RALGAPA2: variants seen among roughly 807,000 people sequenced by gnomAD.
The protein encoded by RALGAPA2 is Ral GTPase activating protein catalytic subunit alpha 2.
RALGAPA2 carries 139 observed loss-of-function variants against 230.4 expected under a neutral mutation model. The ratio of observed to expected loss-of-function variants is 0.60; its 90% confidence interval spans 0.53 to 0.69. The LOEUF is 0.69. RALGAPA2 is among the 30% of genes least tolerant of loss of function. The probability of loss-of-function intolerance (pLI) is 0.00; values close to 1 mark genes in which losing one functional copy is unlikely to be tolerated. For missense variants in RALGAPA2, 2,163 were observed against 2,276.0 expected, an observed-to-expected ratio of 0.95 and a Z score of 1.01; for synonymous variants, 847 against 837.8, an observed-to-expected ratio of 1.01 and a Z score of -0.19.
chr20:20,598,454 A>G (rs1242389546), intron 16 of RALGAPA2, among the ~76,000 whole-genome samples: 3 of 152,120 alleles, frequency 2.0e-5, no homozygotes, highest in Non-Finnish European at 2.9e-5. Flanking sequence ...ATCCTTCTTA[A>G]TTGTTATTGC....
At chr20:20,505,023 T>C in intron 34 of RALGAPA2, 2 of 985,292 alleles carry the variant, frequency 2.0e-6, no homozygotes, top group Non-Finnish European at 2.4e-6. Flanking sequence ...TTTGACTTCA[T>C]CCAACTCTTT....
rs112379393 is a variant in RALGAPA2, at chr20:20,693,974, T to A, written c.107-13173A>T. On this transcript the variant is annotated intron_variant, in intron 1 of 39. Coordinates refer to ENST00000202677, the MANE Select transcript of RALGAPA2 (RefSeq NM_020343.4). ...CAAAGGTTAGCGGGACATGGTGGCGTGTGCCTGTAGTCCCAACTACTTGGG... is the reference window on the plus strand; with the variant it reads ...CAAAGGTTAGCGGGACATGGTGGCGAGTGCCTGTAGTCCCAACTACTTGGG... Among the ~76,000 whole-genome samples, 1,282 of 152,132 alleles carry A rather than the reference T, an allele frequency of 8.4e-3. 15 individuals are homozygous for A. The highest frequency in any genetic ancestry group is 0.029 in the African/African-American group (1,217 of 41,500).
intron 31 of RALGAPA2, among the ~76,000 whole-genome samples, chr20:20,514,549 C>A (rs1233833523): frequency 6.6e-6 from 1 of 152,166 alleles, no homozygotes; most frequent in African/African-American, 2.4e-5. Flanking sequence ...GCCTGAGCTG[C>A]CCCACCCTTC....
Position 20,512,842 on chromosome 20 carries a change from G to C in RALGAPA2, c.4527C>G (p.Asp1509Glu), listed in dbSNP as rs2062753492. 6 of 1,613,466 alleles carry C rather than the reference G, an allele frequency of 3.7e-6. No homozygotes were observed. The East Asian group carries it at 1.1e-4, about 30-fold the overall frequency. ...CATCCCCCTCCTCAACTTGAGAAGA[G>C]TCTTTCTGAGGTCCAAATGTGTCAC... ...WHRDTFGPQK[D>E]SSQVEEGDDV... The change falls in exon 32 of 40, where the codon GAC (aspartate) becomes GAG (glutamate). Residue 1509 changes from aspartate to glutamate, a missense_variant. Asp to Glu is a conservative substitution (Grantham distance 45). Transcript: ENST00000202677.
chr20:20,673,769 A>G (rs1297277085), intron 3 of RALGAPA2, among the ~76,000 whole-genome samples: 2 of 152,212 alleles, frequency 1.3e-5, no homozygotes, highest in East Asian at 1.9e-4. Context: ...TAACAGAGAA[A>G]GAAGAAATGC....
chr20:20,402,826 T>C (rs1336966495), intron 38 of RALGAPA2, among the ~76,000 whole-genome samples: 1 of 152,082 alleles, frequency 6.6e-6, no homozygotes, highest in Non-Finnish European at 1.5e-5. Context: ...CTGCTTCACA[T>C]CTTTGTGTGC....
At chr20:20,511,893 T>G (rs765831980) in intron 32 of RALGAPA2, among the ~76,000 whole-genome samples, 1 of 152,264 alleles carries the variant, frequency 6.6e-6, no homozygotes, top group African/African-American at 2.4e-5. Flanking sequence ...AAGCAGTAAT[T>G]AAAACACACA....
chr20:20,553,916 G>A (rs888895616), intron 23 of RALGAPA2, among the ~76,000 whole-genome samples: 2 of 152,182 alleles, frequency 1.3e-5, no homozygotes, highest in Admixed American at 1.3e-4. Flanking sequence ...AAGGAACAAT[G>A]TACATGAATT....
chr20:20,655,425 T>G (rs1192603481), intron 3 of RALGAPA2, among the ~76,000 whole-genome samples: 1 of 152,090 alleles, frequency 6.6e-6, no homozygotes, highest in Admixed American at 6.5e-5. Flanking sequence ...ATGGAATGCT[T>G]CCTGGAAATG....
At chr20:20,446,475 G>A (rs1296338897) in intron 37 of RALGAPA2, among the ~76,000 whole-genome samples, 1 of 152,136 alleles carries the variant, frequency 6.6e-6, no homozygotes, top group Non-Finnish European at 1.5e-5. Flanking sequence ...AATCTAAATA[G>A]GTTTTGAAAT....
Position 20,393,440 on chromosome 20 carries a change from T to C in RALGAPA2, c.*36-187A>G, listed in dbSNP as rs139296344. Reference sequence around the variant, plus strand: ...AATAAACACATGAATGTCTTTCTTCTTATTCTTTGCCCTGGGCTTTTCTGC... The same window carrying C: ...AATAAACACATGAATGTCTTTCTTCCTATTCTTTGCCCTGGGCTTTTCTGC... On this transcript the variant is annotated intron_variant, in intron 39 of 39. Coordinates refer to ENST00000202677, the MANE Select transcript of RALGAPA2 (RefSeq NM_020343.4). Among the ~76,000 whole-genome samples, 4 of 152,386 alleles carry C rather than the reference T, an allele frequency of 2.6e-5. No individual in the cohort carries two copies. In the East Asian group the frequency reaches 7.7e-4, roughly 29 times the overall value.
At chr20:20,547,547 C>G (rs1041172392) in intron 23 of RALGAPA2, among the ~76,000 whole-genome samples, 4 of 152,216 alleles carry the variant, frequency 2.6e-5, no homozygotes, top group African/African-American at 9.6e-5. Flanking sequence ...AAGCAGATAT[C>G]TAATTCTTGC....
At chr20:20,633,302 T>C (rs2066749151) in intron 9 of RALGAPA2, among the ~76,000 whole-genome samples, 1 of 151,790 alleles carries the variant, frequency 6.6e-6, no homozygotes. Flanking sequence ...GCCCAGCTAA[T>C]TTTTGTATTT....
intron 37 of RALGAPA2, among the ~76,000 whole-genome samples, chr20:20,440,230 T>C (rs2123051414): frequency 6.6e-6 from 1 of 152,272 alleles, no homozygotes; most frequent in East Asian, 1.9e-4. Flanking sequence ...ACATGAAGTA[T>C]AATCAAAGAA....
chr20:20,503,498 G>C lies in RALGAPA2; in HGVS notation c.5061C>G (p.Leu1687=), dbSNP rs769028853. The change falls in exon 35 of 40, where the codon CTC becomes CTG. Residue 1687 remains leucine, a synonymous_variant. Coordinates refer to ENST00000202677, the MANE Select transcript of RALGAPA2 (RefSeq NM_020343.4). ...CACCCATGAACCCACAGTGGGTGGA[G>C]AGATCCACCTGACAAAGGTCACAAA... The part of the protein sequence containing the change: ...FVAGLGWEVD[L]STHCGFMGGL... 1 of 1,567,792 alleles carries C rather than the reference G, an allele frequency of 6.4e-7. No individual in the cohort carries two copies. The highest frequency in any genetic ancestry group is 1.2e-5 in the South Asian group (1 of 84,594).
rs1298584339 is a variant in RALGAPA2, at chr20:20,712,597, C to T, written c.-117G>A. Reference sequence around the variant, plus strand: ...GCGGGCCACTCGCCGCCCCCAGCCCCGCTGCTGCCGCCGCCGCCGCCGCCG... The same window carrying T: ...GCGGGCCACTCGCCGCCCCCAGCCCTGCTGCTGCCGCCGCCGCCGCCGCCG... On this transcript the variant is annotated 5_prime_UTR_variant, in exon 1 of 40. Transcript: ENST00000202677. This position sits in a 1 kb window ranked among gnomAD's most constrained non-coding sequence, Gnocchi z 5.5. 8.2e-7 allele frequency: 1 copy of T among 1,224,426 alleles called. No homozygotes were observed. Among genetic ancestry groups the T allele is most frequent in the Non-Finnish European group, 1.0e-6 (1 of 978,614 alleles). 75.8% of individuals were successfully genotyped at this position (1,224,426 alleles called of 1,614,324 possible).
intron 36 of RALGAPA2, among the ~76,000 whole-genome samples, chr20:20,480,512 A>G (rs2061749987): frequency 6.6e-6 from 1 of 152,108 alleles, no homozygotes; most frequent in Admixed American, 6.5e-5. Context: ...TTTAGTACTT[A>G]AGGAGTACTT....
chr20:20,645,746 C>G (rs968087816), intron 4 of RALGAPA2, among the ~76,000 whole-genome samples: 47 of 152,178 alleles, frequency 3.1e-4, no homozygotes, highest in Non-Finnish European at 4.4e-5. Context: ...CATTTATTAA[C>G]TGTAACCTAA....
At chr20:20,497,298 A>G (rs2062237043) in intron 35 of RALGAPA2, among the ~76,000 whole-genome samples, 1 of 152,236 alleles carries the variant, frequency 6.6e-6, no homozygotes, top group African/African-American at 2.4e-5. Flanking sequence ...CACGGTAGCC[A>G]GCATCACCAA....
Sources: allele counts gnomAD v4.1 joint callset (sites outside exome capture counted in the v4.1 genomes callset), GRCh38; gene constraint gnomAD v4.1.1; non-coding constraint Gnocchi (gnomAD v3.1); transcripts MANE v1.5; gene names NCBI Gene and HGNC (gene_info 2026-07-23, HGNC 2026-07-21).